Variants in TMEM45B observed in about 807,000 individuals in gnomAD.
TMEM45B encodes transmembrane protein 45B.
A neutral mutation model predicts 27.3 loss-of-function variants in TMEM45B; 29 were observed. That is an observed-to-expected ratio of 1.06 (90% CI 0.79 to 1.45). The LOEUF (loss-of-function observed/expected upper bound fraction) is 1.45. TMEM45B is among the 40% of genes most tolerant of loss of function. The probability of loss-of-function intolerance (pLI) is 0.00; values close to 1 mark genes in which losing one functional copy is unlikely to be tolerated. For synonymous variants in TMEM45B, 143 were observed against 134.7 expected, an observed-to-expected ratio of 1.06 and a Z score of -0.43; for missense variants, 348 against 343.9, an observed-to-expected ratio of 1.01 and a Z score of -0.09.
intron 1 of TMEM45B, among the ~76,000 whole-genome samples, chr11:129,846,226 G>T (rs1372595423): frequency 6.6e-6 from 1 of 152,180 alleles, no homozygotes; most frequent in Non-Finnish European, 1.5e-5. Context: ...CCAGCATGTT[G>T]GGAGGTCAAG....
chr11:129,850,662 G>C (rs1947835137), intron 1 of TMEM45B: 1 of 152,132 alleles, frequency 6.6e-6, no homozygotes, highest in Non-Finnish European at 1.5e-5. Context: ...CCAATACCTT[G>C]TTCTTTATTT....
At chr11:129,850,130 ATTAT>A (rs1947825448) in intron 1 of TMEM45B, among the ~76,000 whole-genome samples, 1 of 145,226 alleles carries the variant, frequency 6.9e-6, no homozygotes, top group Non-Finnish European at 1.5e-5. Context: ...CTGCCTTCAA[ATTAT>A]TTCTCTTTTC....
chr11:129,853,310 A>G (rs1435155798), intron 2 of TMEM45B, among the ~76,000 whole-genome samples: 2 of 152,226 alleles, frequency 1.3e-5, no homozygotes, highest in Admixed American at 6.5e-5. Context: ...GTTCTTCCTC[A>G]GGACCAGCCC....
At position 129,859,989 on chromosome 11, in the gene TMEM45B, G is replaced by A. The variant is rs1279689631; in HGVS notation, c.*1304G>A. The A allele has an allele frequency of 2.0e-5, 3 of 152,496 alleles. No individual in the cohort carries two copies. Among genetic ancestry groups the A allele is most frequent in the Non-Finnish European group, 2.9e-5 (2 of 68,050 alleles). The allele number at this position is 152,496 out of a possible 1,614,324, so 9.4% of individuals were successfully genotyped here. On this transcript the variant is annotated 3_prime_UTR_variant, in exon 6 of 6. Coordinates refer to ENST00000281441, the MANE Select transcript of TMEM45B (RefSeq NM_138788.5). Reference sequence around the variant, plus strand: ...CAGTGTGATGGGTGCTGAGAGGCAAGTACAAACCACGATGAGAAAAAGGAG... The same window carrying A: ...CAGTGTGATGGGTGCTGAGAGGCAAATACAAACCACGATGAGAAAAAGGAG...
At chr11:129,837,003 AC>A (rs1947628005) in intron 1 of TMEM45B, among the ~76,000 whole-genome samples, 1 of 152,104 alleles carries the variant, frequency 6.6e-6, no homozygotes, top group Non-Finnish European at 1.5e-5. Context: ...CCTGCTGGAC[AC>A]CCCGCAATGT....
chr11:129,858,863 C>CTTG lies in TMEM45B; in HGVS notation c.*179_*181dup, dbSNP rs749291296. 37 of 465,662 alleles carry CTTG rather than the reference C, an allele frequency of 7.9e-5. No individual in the cohort carries two copies. The Admixed American group carries it at 1.4e-3, about 17-fold the overall frequency. The allele number at this position is 465,662 out of a possible 1,614,324, so 28.8% of individuals were successfully genotyped here. A position where few individuals can be genotyped will look rare whatever the true frequency, so the allele number is the denominator to read the frequency against. On this transcript the variant is annotated 3_prime_UTR_variant, in exon 6 of 6. Transcript: ENST00000281441. ...ATCAGGCCTACAGCATCCTGTGTAT[C>CTTG]TTGCAGTTGGGATTTTTAAACATAC...
rs780431156 is a variant in TMEM45B at position 129,855,705 on chromosome 11, C to G, written c.386-3C>G. ...CTGACAGCTGCCATCTGGTTTGTGG[C>G]AGGTTTCCTCTTCTACTACCACGTC... On this transcript the variant is annotated splice_polypyrimidine_tract_variant and splice_region_variant and intron_variant, in intron 3 of 5. Transcript: ENST00000281441. 2 of 1,613,778 alleles carry G rather than the reference C, an allele frequency of 1.2e-6. No individual in the cohort carries two copies. Among genetic ancestry groups the G allele is most frequent in the Admixed American group, 1.7e-5 (1 of 60,006 alleles).
At chr11:129,856,379 T>A (rs1947925193) in intron 4 of TMEM45B, among the ~76,000 whole-genome samples, 1 of 141,906 alleles carries the variant, frequency 7.0e-6, no homozygotes, top group African/African-American at 2.6e-5. Flanking sequence ...ACCTGGCTAA[T>A]TTTTTTGTAT....
chr11:129,849,621 TAC>T (rs1350192203), intron 1 of TMEM45B, among the ~76,000 whole-genome samples: 2 of 152,202 alleles, frequency 1.3e-5, no homozygotes, highest in African/African-American at 2.4e-5. Flanking sequence ...TATGCATACC[TAC>T]AGAGTCAGCA....
rs781202429 is a variant in TMEM45B at position 129,857,375 on chromosome 11, C to G, written c.633C>G (p.Asn211Lys). 2 of 1,614,162 alleles carry G rather than the reference C, an allele frequency of 1.2e-6. No homozygotes were observed. The highest frequency in any genetic ancestry group is 4.5e-5 in the East Asian group (2 of 44,868). The change falls in exon 5 of 6, where the codon AAC becomes AAG. Residue 211 changes from asparagine (N) to lysine (K), a missense_variant. By Grantham distance (94) the Asn-to-Lys change is moderately conservative. Coordinates refer to ENST00000281441, the MANE Select transcript of TMEM45B (RefSeq NM_138788.5). ...TPEWDQKDDA[N>K]LMFITMCFCW... is the part of the protein sequence containing the mutation. Reference sequence around the variant, plus strand: ...AATGGGACCAGAAGGATGATGCCAACCTCATGTTCATCACCATGTGCTTCT... The same window carrying G: ...AATGGGACCAGAAGGATGATGCCAAGCTCATGTTCATCACCATGTGCTTCT...
rs1276858344 is a variant in TMEM45B, at chr11:129,841,584, GTTTTTTTGTTTTTTTTT to G, written c.-8-10882_-8-10866del. On this transcript the variant is annotated intron_variant, in intron 1 of 5. Coordinates refer to ENST00000281441, the MANE Select transcript of TMEM45B (RefSeq NM_138788.5). ...TGTAATGGGCTTGAAGTTTTCTTTTGTTTTTTTGTTTTTTTTTTTTTTTTGGAGACAAGAGTCTCACT... is the reference window on the plus strand; with the variant it reads ...TGTAATGGGCTTGAAGTTTTCTTTTGTTTTTTTGGAGACAAGAGTCTCACT... Among the ~76,000 whole-genome samples, 821 of 102,572 alleles carry G rather than the reference GTTTTTTTGTTTTTTTTT, an allele frequency of 8.0e-3. 6 individuals are homozygous for G. The highest frequency in any genetic ancestry group is 0.011 in the Non-Finnish European group (510 of 48,232). The allele number at this position is 102,572 out of a possible 152,430, so 67.3% of individuals were successfully genotyped here.
Position 129,855,882 on chromosome 11 carries a change from G to A in TMEM45B, c.560G>A (p.Trp187Ter), listed in dbSNP as rs746902993. The A allele has an allele frequency of 1.2e-6, 2 of 1,613,956 alleles. No homozygotes were observed. Among genetic ancestry groups the A allele is most frequent in the Non-Finnish European group, 1.7e-6 (2 of 1,179,988 alleles). The part of the protein sequence containing the change: ...RTSLIILQGT[W>*]FWQIGFVLFP... Reference sequence around the variant, plus strand: ...AGTCTCATCATTCTTCAGGGAACCTGGTTCTGGCAGGTGATTTTCCACACC... The same window carrying A: ...AGTCTCATCATTCTTCAGGGAACCTAGTTCTGGCAGGTGATTTTCCACACC... Residue 187 changes from tryptophan to a stop codon, truncating the protein, a stop_gained, in exon 4 of 6, where the codon TGG (tryptophan) becomes TAG (stop). Coordinates refer to ENST00000281441, the MANE Select transcript of TMEM45B (RefSeq NM_138788.5). LOFTEE classifies it high-confidence loss of function.
intron 1 of TMEM45B, among the ~76,000 whole-genome samples, chr11:129,818,540 A>ATAAC (rs1394260489): frequency 6.6e-6 from 1 of 152,262 alleles, no homozygotes; most frequent in East Asian, 1.9e-4. Context: ...GTCCAGGGTT[A>ATAAC]GCCAGTAATT....
intron 1 of TMEM45B, among the ~76,000 whole-genome samples, chr11:129,822,902 G>A (rs559988209): frequency 5.6e-4 from 83 of 148,942 alleles, no homozygotes; most frequent in African/African-American, 1.7e-3. Flanking sequence ...GTGCAGTGGC[G>A]CGATCTCAGC....
intron 1 of TMEM45B, among the ~76,000 whole-genome samples, chr11:129,844,996 C>T (rs923345011): frequency 3.3e-5 from 5 of 152,006 alleles, no homozygotes; most frequent in Admixed American, 6.6e-5. Context: ...AAATGAAGAA[C>T]GCTGGAAATG....
At chr11:129,841,570 T>C (rs1947692721) in intron 1 of TMEM45B, among the ~76,000 whole-genome samples, 1 of 149,880 alleles carries the variant, frequency 6.7e-6, no homozygotes, top group Admixed American at 6.8e-5. Flanking sequence ...GTAATGGGCT[T>C]GAAGTTTTCT....
chr11:129,846,706 TACAGA>T (rs1239836490), intron 1 of TMEM45B, among the ~76,000 whole-genome samples: 1 of 152,202 alleles, frequency 6.6e-6, no homozygotes, highest in East Asian at 1.9e-4. Flanking sequence ...ATTCATACTT[TACAGA>T]AAAGTTACAA....
chr11:129,824,437 T>C (rs1475113104), intron 1 of TMEM45B, among the ~76,000 whole-genome samples: 2 of 152,230 alleles, frequency 1.3e-5, no homozygotes, highest in African/African-American at 4.8e-5. Flanking sequence ...GTTCGTCTTG[T>C]GATTTCAGAT....
At chr11:129,833,367 T>A (rs1432615464) in intron 1 of TMEM45B, among the ~76,000 whole-genome samples, 1 of 152,178 alleles carries the variant, frequency 6.6e-6, no homozygotes, top group Non-Finnish European at 1.5e-5. Context: ...GTTGAAGTCC[T>A]CACCTCCAGT....
Sources: allele counts gnomAD v4.1 joint callset (sites outside exome capture counted in the v4.1 genomes callset), GRCh38; gene constraint gnomAD v4.1.1; transcripts MANE v1.5; gene names NCBI Gene and HGNC (gene_info 2026-07-23, HGNC 2026-07-21).